EYS: variants seen among roughly 807,000 people sequenced by gnomAD.
EYS encodes the protein protein eyes shut homolog.
A neutral mutation model predicts 282.1 loss-of-function variants in EYS; 250 were observed. The observed-to-expected ratio is 0.89, with a 90% CI of 0.80 to 0.98. The LOEUF is 0.98. Among genes scored for constraint, EYS ranks in the 50% least tolerant of loss-of-function variants. The pLI is 0.00. For missense variants in EYS, 4,016 were observed against 3,709.0 expected, an observed-to-expected ratio of 1.08 and a Z score of -2.15; for synonymous variants, 1,355 against 1,282.9, an observed-to-expected ratio of 1.06 and a Z score of -1.20.
intron 26 of EYS, among the ~76,000 whole-genome samples, chr6:64,474,397 T>C (rs889692275): frequency 6.6e-6 from 1 of 152,228 alleles, no homozygotes; most frequent in Non-Finnish European, 1.5e-5. Flanking sequence ...CACATATATT[T>C]TCTAGTAGCA....
At chr6:65,371,735 C>CTGTG (rs1321007648) in intron 8 of EYS, among the ~76,000 whole-genome samples, 11 of 47,948 alleles carry the variant, frequency 2.3e-4, no homozygotes, top group African/African-American at 7.1e-4. Context: ...CTCTCTCTCT[C>CTGTG]TCTCTCTGTG....
intron 22 of EYS, among the ~76,000 whole-genome samples, chr6:64,671,783 T>A (rs1332402969): frequency 6.6e-6 from 1 of 152,066 alleles, no homozygotes; most frequent in Non-Finnish European, 1.5e-5. Context: ...TGCATAAGAA[T>A]ATGGCTACTA....
intron 33 of EYS, among the ~76,000 whole-genome samples, chr6:64,047,592 T>C (rs1414055056): frequency 1.3e-5 from 2 of 152,246 alleles, no homozygotes; most frequent in Non-Finnish European, 2.9e-5. Context: ...GAGCTGTTTA[T>C]AGAATTAGGT....
chr6:64,205,236 T>C (rs970388521), intron 31 of EYS, among the ~76,000 whole-genome samples: 1 of 152,210 alleles, frequency 6.6e-6, no homozygotes, highest in Non-Finnish European at 1.5e-5. Flanking sequence ...TTTACAAACT[T>C]TTATTCAATT....
intron 2 of EYS, among the ~76,000 whole-genome samples, chr6:65,518,708 C>T (rs1249739699): frequency 6.6e-6 from 1 of 151,912 alleles, no homozygotes; most frequent in African/African-American, 2.4e-5. Context: ...AAAGACATAC[C>T]CAAGACTGGG....
chr6:64,694,287 T>C (rs919720001), intron 22 of EYS, among the ~76,000 whole-genome samples: 1 of 152,114 alleles, frequency 6.6e-6, no homozygotes, highest in African/African-American at 2.4e-5. Context: ...AACATAAAAG[T>C]TAAAAAACCA....
chr6:65,544,515 T>C (rs1231955242), intron 2 of EYS, among the ~76,000 whole-genome samples: 1 of 152,080 alleles, frequency 6.6e-6, no homozygotes, highest in Non-Finnish European at 1.5e-5. Context: ...TTTCCCCCCT[T>C]TTGCTCTGCA....
intron 22 of EYS, among the ~76,000 whole-genome samples, chr6:64,804,684 T>G (rs757630226): frequency 6.6e-6 from 1 of 152,164 alleles, no homozygotes; most frequent in Non-Finnish European, 1.5e-5. Flanking sequence ...AACCTATGTT[T>G]GATAAAGGTG....
At chr6:64,816,887 C>T (rs1366347833) in intron 21 of EYS, among the ~76,000 whole-genome samples, 2 of 151,290 alleles carry the variant, frequency 1.3e-5, no homozygotes, top group Non-Finnish European at 2.9e-5. Flanking sequence ...AAAAAGGATA[C>T]TAATTAAATA....
chr6:65,607,801 A>G (rs1430143815), intron 2 of EYS, among the ~76,000 whole-genome samples: 1 of 151,962 alleles, frequency 6.6e-6, no homozygotes, highest in Non-Finnish European at 1.5e-5. Context: ...TATTCACAGA[A>G]ATAAAATGCC....
chr6:65,401,951 AC>A (rs1436840857), intron 7 of EYS, among the ~76,000 whole-genome samples: 2 of 151,934 alleles, frequency 1.3e-5, no homozygotes, highest in Non-Finnish European at 2.9e-5. Context: ...TAAATTATAC[AC>A]CCAGATTCTT....
At chr6:64,604,076 A>G (rs1189123786) in intron 24 of EYS, among the ~76,000 whole-genome samples, 1 of 151,964 alleles carries the variant, frequency 6.6e-6, no homozygotes, top group African/African-American at 2.4e-5. Flanking sequence ...TGTTCCATCA[A>G]ATTTATGTGC....
intron 33 of EYS, among the ~76,000 whole-genome samples, chr6:64,016,780 T>C (rs549357849): frequency 2.6e-4 from 39 of 152,266 alleles, no homozygotes; most frequent in African/African-American, 8.9e-4. Flanking sequence ...TTGGCCTCTT[T>C]TTGATTTCTA....
intron 5 of EYS, among the ~76,000 whole-genome samples, chr6:65,434,446 G>C (rs560112056): frequency 6.6e-6 from 1 of 151,364 alleles, no homozygotes; most frequent in Non-Finnish European, 1.5e-5. Context: ...TCAGCCTCCC[G>C]AGTAGCTGGG....
chr6:65,295,121 A>C (rs1768626419), intron 12 of EYS, among the ~76,000 whole-genome samples: 1 of 151,924 alleles, frequency 6.6e-6, no homozygotes, highest in Admixed American at 6.6e-5. Flanking sequence ...CTGCTTAATA[A>C]AATGGAAAAT....
intron 11 of EYS, among the ~76,000 whole-genome samples, chr6:65,333,000 T>C (rs1306077512): frequency 6.6e-6 from 1 of 151,376 alleles, no homozygotes; most frequent in Non-Finnish European, 1.5e-5. Flanking sequence ...TTTAGTATAT[T>C]TGTTAATGTT....
intron 19 of EYS, among the ~76,000 whole-genome samples, chr6:64,877,769 C>CT (rs930629839): frequency 9.2e-5 from 14 of 151,922 alleles, no homozygotes; most frequent in South Asian, 4.1e-4. Context: ...TTTCAAAATT[C>CT]TTTTTTTTAA....
At chr6:63,940,591 C>T (rs75376203) in intron 35 of EYS, among the ~76,000 whole-genome samples, 2,456 of 151,980 alleles carry the variant, frequency 0.016, 63 homozygotes, top group African/African-American at 0.057. Context: ...ATCAGGATAA[C>T]AGGAGGAGTA....
At chr6:64,717,709 C>A (rs1016965570) in intron 22 of EYS, among the ~76,000 whole-genome samples, 2 of 152,110 alleles carry the variant, frequency 1.3e-5, no homozygotes, top group African/African-American at 2.4e-5. Context: ...AAAGTCCATA[C>A]CCTTTGAAAC....
Sources: allele counts gnomAD v4.1 joint callset (sites outside exome capture counted in the v4.1 genomes callset), GRCh38; gene constraint gnomAD v4.1.1; transcripts MANE v1.5; gene names NCBI Gene and HGNC (gene_info 2026-07-23, HGNC 2026-07-21).